DSCAM: variants seen among roughly 807,000 people sequenced by gnomAD.
DSCAM encodes the protein DS cell adhesion molecule, also known as cell adhesion molecule DSCAM.
In DSCAM, 47 loss-of-function variants were observed where a neutral mutation model predicts 217.7. The observed-to-expected ratio is 0.22, with a 90% CI of 0.17 to 0.28. The LOEUF is 0.28. Among genes scored for constraint, DSCAM ranks in the 10% least tolerant of loss-of-function variants. The pLI, the probability that DSCAM is intolerant of heterozygous loss-of-function variation, is 1.00. For missense variants in DSCAM, 2,080 were observed against 2,618.3 expected (o/e 0.79, Z 4.49); for synonymous variants, 1,056 against 1,015.3 (o/e 1.04, Z -0.76).
chr21:40,300,053 AG>A (rs1398643021), intron 9 of DSCAM, among the ~76,000 whole-genome samples: 1 of 151,406 alleles, frequency 6.6e-6, no homozygotes, highest in Admixed American at 6.6e-5. Flanking sequence ...TGCTTATTAA[AG>A]AGAGGATCCC....
intron 3 of DSCAM, among the ~76,000 whole-genome samples, chr21:40,575,717 G>T (rs2076844849): frequency 1.3e-5 from 2 of 151,832 alleles, no homozygotes; most frequent in Non-Finnish European, 1.5e-5. Context: ...AGGTAGGCAG[G>T]CTACAAATTA....
At chr21:40,508,739 ATATATATATATATATATATAT>A (rs2076229382) in intron 3 of DSCAM, among the ~76,000 whole-genome samples, 1 of 2,334 alleles carries the variant, frequency 4.3e-4, no homozygotes, top group African/African-American at 2.5e-3. Flanking sequence ...CGGCAAATAT[ATATATATATATATATATATAT>A]ATATATATAT....
At chr21:40,125,998 A>T (rs1463719266) in intron 19 of DSCAM, among the ~76,000 whole-genome samples, 1 of 152,150 alleles carries the variant, frequency 6.6e-6, no homozygotes, top group African/African-American at 2.4e-5. Flanking sequence ...AACCAGTTGA[A>T]TGGCTGCTGA....
At chr21:40,748,476 A>G (rs1274003698) in intron 1 of DSCAM, among the ~76,000 whole-genome samples, 1 of 152,066 alleles carries the variant, frequency 6.6e-6, no homozygotes, top group Non-Finnish European at 1.5e-5. Flanking sequence ...AAGTAATTCC[A>G]TGTACAATAG....
chr21:40,490,250 T>C (rs1030156954), intron 3 of DSCAM, among the ~76,000 whole-genome samples: 2 of 152,122 alleles, frequency 1.3e-5, no homozygotes, highest in African/African-American at 4.8e-5. Context: ...GGAGATAAAA[T>C]GCAAAATGAG....
intron 3 of DSCAM, among the ~76,000 whole-genome samples, chr21:40,458,773 C>A (rs2075783071): frequency 6.6e-6 from 1 of 151,934 alleles, no homozygotes. Context: ...TCCTTCCCGG[C>A]AATCAAGGAA....
At chr21:40,693,576 G>A (rs1038848736) in intron 2 of DSCAM, among the ~76,000 whole-genome samples, 5 of 151,400 alleles carry the variant, frequency 3.3e-5, no homozygotes, top group Non-Finnish European at 5.9e-5. Flanking sequence ...GTCCTCTAAG[G>A]GCCGAGGAAG....
intron 11 of DSCAM, among the ~76,000 whole-genome samples, chr21:40,264,631 A>G (rs1467691107): frequency 6.6e-6 from 1 of 152,220 alleles, no homozygotes; most frequent in African/African-American, 2.4e-5. Context: ...AGCTGAAAGC[A>G]TTCAACTGAA....
intron 3 of DSCAM, among the ~76,000 whole-genome samples, chr21:40,673,294 C>T (rs920876701): frequency 6.6e-6 from 1 of 152,082 alleles, no homozygotes; most frequent in African/African-American, 2.4e-5. Context: ...TGATGCCCCC[C>T]CCAAAATACA....
chr21:40,793,491 TTTA>T (rs943968960), intron 1 of DSCAM, among the ~76,000 whole-genome samples: 6 of 152,036 alleles, frequency 3.9e-5, no homozygotes, highest in African/African-American at 1.4e-4. Context: ...GGTGTTTTAT[TTTA>T]TTATTATTAT....
chr21:40,276,039 A>T, intron 11 of DSCAM, 58 bp downstream of exon 11: 1 of 1,450,104 alleles, frequency 6.9e-7, no homozygotes, highest in South Asian at 1.6e-5. Flanking sequence ...TGAAAAAGGA[A>T]GCCCCCAGAG....
chr21:40,237,549 CT>C (rs971358628), intron 11 of DSCAM, among the ~76,000 whole-genome samples: 1 of 152,106 alleles, frequency 6.6e-6, no homozygotes, highest in Non-Finnish European at 1.5e-5. Flanking sequence ...TAAACTCATC[CT>C]TTTTTATGGC....
chr21:40,573,711 T>G (rs1344940602), intron 3 of DSCAM, among the ~76,000 whole-genome samples: 1 of 152,000 alleles, frequency 6.6e-6, no homozygotes, highest in Non-Finnish European at 1.5e-5. Context: ...TGTGAGAAAT[T>G]TGTTTAAGAC....
chr21:40,760,653 A>T (rs887292317), intron 1 of DSCAM, among the ~76,000 whole-genome samples: 2 of 152,192 alleles, frequency 1.3e-5, no homozygotes, highest in African/African-American at 4.8e-5. Flanking sequence ...GCATTTTGCC[A>T]CCCAGGTAGA....
intron 3 of DSCAM, among the ~76,000 whole-genome samples, chr21:40,370,280 A>G (rs1179612362): frequency 3.3e-5 from 5 of 150,874 alleles, no homozygotes; most frequent in Admixed American, 2.0e-4. Flanking sequence ...AGTAGAGCTG[A>G]GAGTGCCTCA....
chr21:40,817,517 G>A (rs1022870381), intron 1 of DSCAM, among the ~76,000 whole-genome samples: 8 of 152,170 alleles, frequency 5.3e-5, no homozygotes, highest in Admixed American at 3.9e-4. Context: ...AGAGCGCCCT[G>A]TTTGTCCATT....
At chr21:40,671,377 A>G (rs2090271561) in intron 3 of DSCAM, among the ~76,000 whole-genome samples, 1 of 152,204 alleles carries the variant, frequency 6.6e-6, no homozygotes, top group South Asian at 2.1e-4. Flanking sequence ...GTCTCCATAC[A>G]CTAACATGAA....
intron 1 of DSCAM, among the ~76,000 whole-genome samples, chr21:40,758,287 C>A (rs149596878): frequency 1.3e-5 from 2 of 152,096 alleles, no homozygotes; most frequent in Non-Finnish European, 2.9e-5. Flanking sequence ...CACTTTGTTA[C>A]GGCTGTCCTA....
chr21:40,452,399 A>G (rs2075727738), intron 3 of DSCAM, among the ~76,000 whole-genome samples: 2 of 152,102 alleles, frequency 1.3e-5, no homozygotes, highest in African/African-American at 4.8e-5. Context: ...AAACGTGTGC[A>G]TCGGGACATA....
Sources: allele counts gnomAD v4.1 joint callset (sites outside exome capture counted in the v4.1 genomes callset), GRCh38; gene constraint gnomAD v4.1.1; transcripts MANE v1.5; gene names NCBI Gene and HGNC (gene_info 2026-07-23, HGNC 2026-07-21).